ANKDD1A: variants seen among roughly 807,000 people sequenced by gnomAD.
The protein encoded by ANKDD1A is ankyrin repeat and death domain-containing protein 1A.
In ANKDD1A, 59 loss-of-function variants were observed where a neutral mutation model predicts 63.5. The ratio of observed to expected loss-of-function variants is 0.93; its 90% CI spans 0.75 to 1.15. ANKDD1A has a LOEUF of 1.15. ANKDD1A is among the 50% of genes most tolerant of loss of function. The pLI is 0.00. For synonymous variants in ANKDD1A, 266 were observed against 263.9 expected, an observed-to-expected ratio of 1.01 and a Z score of -0.08; for missense variants, 632 against 656.4, an observed-to-expected ratio of 0.96 and a Z score of 0.41.
intron 1 of ANKDD1A, 140 bp from the exon 2 acceptor site, chr15:64,915,657 G>A: frequency 1.6e-6 from 1 of 645,048 alleles, no homozygotes; most frequent in Non-Finnish European, 2.7e-6. Context: ...AGGGAGGAGG[G>A]CTGTGCCGCT....
At chr15:64,952,662 C>CTT (rs1566916901) in intron 14 of ANKDD1A, among the ~76,000 whole-genome samples, 4 of 86,264 alleles carry the variant, frequency 4.6e-5, no homozygotes, top group African/African-American at 8.0e-5. Flanking sequence ...CTTCTTCTTC[C>CTT]CCTTCTTCCT....
intron 3 of ANKDD1A, 105 bp from the exon 4 acceptor site, chr15:64,921,816 T>G: frequency 3.2e-6 from 3 of 945,436 alleles, no homozygotes. Context: ...AAGTGGCACT[T>G]ATAGTTCCTT....
chr15:64,947,285 C>A, intron 12 of ANKDD1A, 119 bp from the exon 13 acceptor site: 2 of 1,033,406 alleles, frequency 1.9e-6, no homozygotes, highest in Non-Finnish European at 2.8e-6. Flanking sequence ...CCCTTGCTGA[C>A]TCCAGCTCCC....
chr15:64,931,491 G>A lies in ANKDD1A; in HGVS notation c.674G>A (p.Gly225Asp), dbSNP rs552370893. ...TGCTCTTCTTGTGTGTTGCAGGAAG[G>A]TCTGACTGCCCTGCATTCGGCTGCT... ...GLDLEEQNAE[G>D]LTALHSAAGG... Residue 225 changes from glycine (G) to aspartate (D), a missense_variant, in exon 8 of 15, where the codon GGT (glycine) becomes GAT (aspartate). By Grantham distance (94) the Gly-to-Asp change is moderately conservative. Coordinates refer to ENST00000319580, the MANE Select transcript of ANKDD1A (RefSeq NM_182703.6). The A allele has an allele frequency of 7.3e-5, 117 of 1,613,714 alleles. No individual in the cohort carries two copies. The South Asian group carries it at 1.2e-3, about 17-fold the overall frequency.
intron 14 of ANKDD1A, among the ~76,000 whole-genome samples, chr15:64,952,715 C>T (rs1487231067): frequency 1.0e-4 from 13 of 130,318 alleles, no homozygotes; most frequent in African/African-American, 3.4e-4. Flanking sequence ...CTTCTCCTTT[C>T]TTCTTTCTTC....
At chr15:64,927,235 C>T (rs187320003) in intron 6 of ANKDD1A, among the ~76,000 whole-genome samples, 2 of 152,324 alleles carry the variant, frequency 1.3e-5, no homozygotes, top group Non-Finnish European at 2.9e-5. Context: ...GTTTCTTACT[C>T]GAGGAACTCA....
intron 6 of ANKDD1A, 73 bp from the exon 7 acceptor site, chr15:64,930,749 T>A (rs2085083224): frequency 6.8e-7 from 1 of 1,469,340 alleles, no homozygotes; most frequent in South Asian, 1.2e-5. Context: ...TGTGCATGGC[T>A]GCAGCTCATC....
chr15:64,930,172 T>C (rs545995596), intron 6 of ANKDD1A, among the ~76,000 whole-genome samples: 1 of 151,850 alleles, frequency 6.6e-6, no homozygotes, highest in East Asian at 1.9e-4. Context: ...GACGGGTTGA[T>C]GGGTGCAGCA....
At chr15:64,945,308 A>G (rs1427446554) in intron 12 of ANKDD1A, among the ~76,000 whole-genome samples, 2 of 152,086 alleles carry the variant, frequency 1.3e-5, no homozygotes, top group African/African-American at 2.4e-5. Flanking sequence ...TTCAAAGTTA[A>G]TACAGATGGT....
At chr15:64,940,608 ATT>A (rs587696660) in intron 9 of ANKDD1A, among the ~76,000 whole-genome samples, 12 of 148,812 alleles carry the variant, frequency 8.1e-5, no homozygotes, top group African/African-American at 1.2e-4. Context: ...AATTTTTTGT[ATT>A]TTTTTTTTTA....
At position 64,915,940 on chromosome 15, in the gene ANKDD1A, G is replaced by C. The variant is rs1044807698; in HGVS notation, c.138+40G>C. ...TCTCTGAATCCAGGCACCTGGGATA[G>C]TGTCACGATAATGCCAGTACACAGG... On this transcript the variant is annotated intron_variant, in intron 2 of 14. Transcript: ENST00000319580. 4 of 1,584,828 alleles carry C rather than the reference G, an allele frequency of 2.5e-6. No homozygotes were observed. In the African/African-American group the frequency reaches 4.0e-5, roughly 16 times the overall value.
At chr15:64,949,684 G>C (rs545411573) in intron 13 of ANKDD1A, among the ~76,000 whole-genome samples, 157 bp from the exon 14 acceptor site, 1 of 152,266 alleles carries the variant, frequency 6.6e-6, no homozygotes, top group East Asian at 1.9e-4. Flanking sequence ...TCCAGGCTGA[G>C]CTTGGCTGGA....
chr15:64,933,383 G>A (rs1430949917), intron 8 of ANKDD1A, among the ~76,000 whole-genome samples: 1 of 152,222 alleles, frequency 6.6e-6, no homozygotes, highest in Non-Finnish European at 1.5e-5. Flanking sequence ...ACTGGGCCAG[G>A]TTGGGCACTG....
intron 14 of ANKDD1A, among the ~76,000 whole-genome samples, chr15:64,954,584 A>C (rs1313966061): frequency 1.4e-4 from 14 of 102,608 alleles, no homozygotes; most frequent in Admixed American, 2.2e-4. Context: ...CTTCTTCCTT[A>C]TTCTTCCTTC....
intron 3 of ANKDD1A, among the ~76,000 whole-genome samples, chr15:64,921,266 T>C (rs2085004861): frequency 6.6e-6 from 1 of 152,254 alleles, no homozygotes; most frequent in African/African-American, 2.4e-5. Context: ...CACCCAGTTA[T>C]GAAGCTTTAT....
intron 4 of ANKDD1A, among the ~76,000 whole-genome samples, chr15:64,923,131 C>T (rs190820034): frequency 7.2e-5 from 11 of 152,086 alleles, no homozygotes; most frequent in Non-Finnish European, 1.2e-4. Context: ...ATCCTAATCC[C>T]TAGAACCTCT....
intron 1 of ANKDD1A, 44 bp from the exon 2 acceptor site, chr15:64,915,752 TG>T: frequency 1.3e-6 from 2 of 1,532,146 alleles, no homozygotes; most frequent in Non-Finnish European, 1.8e-6. Context: ...GTCTGCAGTG[TG>T]GGGCATCCTC....
chr15:64,927,609 T>C (rs1441055367), intron 6 of ANKDD1A, among the ~76,000 whole-genome samples: 1 of 149,830 alleles, frequency 6.7e-6, no homozygotes, highest in African/African-American at 2.5e-5. Flanking sequence ...TCCCTTTTTT[T>C]TTTTTTTTTT....
intron 1 of ANKDD1A, among the ~76,000 whole-genome samples, chr15:64,915,577 C>T (rs1271323433): frequency 6.6e-6 from 1 of 152,182 alleles, no homozygotes; most frequent in Non-Finnish European, 1.5e-5. Flanking sequence ...TTCACCACGT[C>T]CTGGTTGCGT....
Sources: allele counts gnomAD v4.1 joint callset (sites outside exome capture counted in the v4.1 genomes callset), GRCh38; gene constraint gnomAD v4.1.1; transcripts MANE v1.5; gene names NCBI Gene and HGNC (gene_info 2026-07-23, HGNC 2026-07-21).